Variants in PRKCB observed in about 807,000 individuals in gnomAD.
The protein encoded by PRKCB is protein kinase C beta type.
A neutral mutation model predicts 81.5 loss-of-function variants in PRKCB; 13 were observed. The ratio of observed to expected loss-of-function variants is 0.16; its 90% confidence interval spans 0.10 to 0.25. The LOEUF (loss-of-function observed/expected upper bound fraction) is 0.25. Among genes scored for constraint, PRKCB ranks in the 10% least tolerant of loss-of-function variants. The pLI, the probability that PRKCB is intolerant of heterozygous loss-of-function variation, is 1.00. For synonymous variants in PRKCB, 335 were observed against 321.4 expected, an observed-to-expected ratio of 1.04 and a Z score of -0.45; for missense variants, 509 against 875.7, an observed-to-expected ratio of 0.58 and a Z score of 5.29.
intron 2 of PRKCB, among the ~76,000 whole-genome samples, chr16:23,844,911 C>T (rs1962340812): frequency 6.6e-6 from 1 of 152,048 alleles, no homozygotes; most frequent in Admixed American, 6.6e-5. Context: ...AAGTGATTCT[C>T]CTGCCTCAGC....
intron 2 of PRKCB, among the ~76,000 whole-genome samples, chr16:23,894,541 A>T (rs1963343193): frequency 6.6e-6 from 1 of 152,208 alleles, no homozygotes; most frequent in Non-Finnish European, 1.5e-5. Context: ...GCTTTTGAAG[A>T]GTACATGCTT....
At chr16:24,124,573 G>A (rs995215513) in intron 9 of PRKCB, among the ~76,000 whole-genome samples, 1 of 152,178 alleles carries the variant, frequency 6.6e-6, no homozygotes, top group African/African-American at 2.4e-5. Context: ...CACAGTGGAA[G>A]GATGACCCTG....
At chr16:24,108,105 C>G (rs1023229131) in intron 7 of PRKCB, among the ~76,000 whole-genome samples, 2 of 151,816 alleles carry the variant, frequency 1.3e-5, no homozygotes, top group Non-Finnish European at 2.9e-5. Context: ...CTTTAGTAAG[C>G]AACACCATCT....
intron 7 of PRKCB, among the ~76,000 whole-genome samples, chr16:24,104,973 T>C (rs1966555883): frequency 1.3e-5 from 2 of 152,176 alleles, no homozygotes; most frequent in African/African-American, 4.8e-5. Context: ...CGATCCCTTT[T>C]CCCTAGTAGG....
intron 3 of PRKCB, among the ~76,000 whole-genome samples, chr16:23,995,497 C>A (rs962234347): frequency 6.6e-6 from 1 of 152,198 alleles, no homozygotes; most frequent in African/African-American, 2.4e-5. Context: ...TAGCTAGTTT[C>A]CTATTAAGAG....
At chr16:23,973,912 T>C (rs1256742039) in intron 2 of PRKCB, among the ~76,000 whole-genome samples, 1 of 152,078 alleles carries the variant, frequency 6.6e-6, no homozygotes. Flanking sequence ...CTCAAGCAAT[T>C]CACCTTTCTT....
At chr16:23,875,480 G>GATAGATATAT (rs1555480880) in intron 2 of PRKCB, among the ~76,000 whole-genome samples, 5 of 4,648 alleles carry the variant, frequency 1.1e-3, no homozygotes, top group Admixed American at 2.6e-3. Context: ...CAACTAAAAA[G>GATAGATATAT]ATATATATAT....
At chr16:24,037,546 T>C (rs539091568) in intron 5 of PRKCB, among the ~76,000 whole-genome samples, 8 of 152,308 alleles carry the variant, frequency 5.3e-5, no homozygotes, top group Admixed American at 1.3e-4. Flanking sequence ...AAGTACTATA[T>C]AGTAGGTTAC....
intron 7 of PRKCB, among the ~76,000 whole-genome samples, chr16:24,110,722 G>T (rs1471688141): frequency 7.1e-4 from 108 of 152,090 alleles, no homozygotes; most frequent in African/African-American, 2.5e-3. Context: ...GTCTCGCTAT[G>T]TTGCCCAGGC....
At chr16:23,973,773 T>C (rs932581727) in intron 2 of PRKCB, among the ~76,000 whole-genome samples, 1 of 152,174 alleles carries the variant, frequency 6.6e-6, no homozygotes, top group East Asian at 1.9e-4. Flanking sequence ...CTCGACCTCC[T>C]GGGCTCAAGT....
intron 2 of PRKCB, among the ~76,000 whole-genome samples, chr16:23,914,685 G>A (rs1963711704): frequency 6.6e-6 from 1 of 152,160 alleles, no homozygotes; most frequent in Non-Finnish European, 1.5e-5. Flanking sequence ...ACAGCCCTTA[G>A]AACAGGGAGC....
At chr16:24,214,179 G>T (rs1420313202) in intron 16 of PRKCB, among the ~76,000 whole-genome samples, 2 of 152,232 alleles carry the variant, frequency 1.3e-5, no homozygotes, top group Non-Finnish European at 2.9e-5. Flanking sequence ...AGAGCTGGAG[G>T]ACAGCACTTT....
At chr16:24,075,557 C>A (rs1033253241) in intron 5 of PRKCB, among the ~76,000 whole-genome samples, 2 of 152,160 alleles carry the variant, frequency 1.3e-5, no homozygotes, top group Non-Finnish European at 2.9e-5. Context: ...TGTTTGGGGT[C>A]TTTAAACTGG....
chr16:24,195,868 C>G (rs1251879358), intron 16 of PRKCB, among the ~76,000 whole-genome samples: 2 of 152,198 alleles, frequency 1.3e-5, no homozygotes, highest in African/African-American at 4.8e-5. Context: ...TCCTGGGCTT[C>G]TTTCAGTCCC....
chr16:23,855,149 G>A (rs761662271), intron 2 of PRKCB, among the ~76,000 whole-genome samples: 9 of 152,166 alleles, frequency 5.9e-5, no homozygotes, highest in Non-Finnish European at 1.3e-4. Flanking sequence ...GAGAGCCGGC[G>A]GGGGAGGGGG....
At chr16:24,159,081 T>G (rs936732881) in intron 10 of PRKCB, among the ~76,000 whole-genome samples, 2 of 152,190 alleles carry the variant, frequency 1.3e-5, no homozygotes, top group Non-Finnish European at 2.9e-5. Flanking sequence ...CTAGCCATGG[T>G]CACCTCTCAC....
intron 3 of PRKCB, among the ~76,000 whole-genome samples, chr16:24,025,704 C>T (rs1965470110): frequency 6.6e-6 from 1 of 152,182 alleles, no homozygotes; most frequent in African/African-American, 2.4e-5. Context: ...CTAGGAAGAA[C>T]TTGACCCTCA....
At chr16:24,143,020 C>T (rs1372160942) in intron 9 of PRKCB, among the ~76,000 whole-genome samples, 1 of 152,104 alleles carries the variant, frequency 6.6e-6, no homozygotes, top group Admixed American at 6.5e-5. Flanking sequence ...CTGTCCCTCC[C>T]CAAGTTGACC....
chr16:24,095,306 A>T (rs1966426482), intron 7 of PRKCB, among the ~76,000 whole-genome samples: 1 of 152,142 alleles, frequency 6.6e-6, no homozygotes, highest in African/African-American at 2.4e-5. Context: ...AGGGCTTTTC[A>T]AAGATAGTTT....
Sources: gnomAD v4.1 joint callset for allele counts (sites outside exome capture counted in the v4.1 genomes callset) on GRCh38, gnomAD v4.1.1 for gene constraint, MANE v1.5 for transcripts, NCBI Gene and HGNC (gene_info 2026-07-23, HGNC 2026-07-21) for gene names.